TRIP12: variants seen among roughly 807,000 people sequenced by gnomAD.
The protein encoded by TRIP12 is thyroid hormone receptor interactor 12.
TRIP12 carries 25 observed loss-of-function variants against 244.2 expected under a neutral mutation model. The observed-to-expected ratio is 0.10, with a 90% CI of 0.07 to 0.14. The LOEUF is 0.14. Ranked by LOEUF, TRIP12 falls within the 10% of genes least tolerant of loss-of-function variation. The probability of loss-of-function intolerance (pLI) is 1.00; values close to 1 mark genes in which losing one functional copy is unlikely to be tolerated. For synonymous variants in TRIP12, 905 were observed against 873.1 expected, an observed-to-expected ratio of 1.04 and a Z score of -0.64; for missense variants, 1,677 against 2,486.4, an observed-to-expected ratio of 0.67 and a Z score of 6.92.
chr2:229,846,088 T>A (rs2057529025), intron 4 of TRIP12, among the ~76,000 whole-genome samples: 1 of 151,342 alleles, frequency 6.6e-6, no homozygotes, highest in South Asian at 2.1e-4. Flanking sequence ...GGAAAGATGC[T>A]GTAGACATCA....
chr2:229,880,271 G>C, intron 1 of TRIP12, 143 bp from the exon 2 acceptor site: 2 of 599,318 alleles, frequency 3.3e-6, no homozygotes, highest in Non-Finnish European at 5.8e-6. Flanking sequence ...ATGTCTCACT[G>C]AACTGTGAAG....
intron 1 of TRIP12, among the ~76,000 whole-genome samples, chr2:229,902,995 T>C (rs973071893): frequency 1.7e-5 from 1 of 59,014 alleles, no homozygotes. Flanking sequence ...TGTGTGCGGG[T>C]TTTTTTTTCT....
intron 8 of TRIP12, among the ~76,000 whole-genome samples, chr2:229,820,290 C>T (rs933216662): frequency 3.3e-5 from 5 of 151,814 alleles, no homozygotes; most frequent in African/African-American, 4.8e-5. Flanking sequence ...GGATCTTATA[C>T]AGCATAATCA....
intron 1 of TRIP12, among the ~76,000 whole-genome samples, chr2:229,889,500 C>T (rs1440242643): frequency 6.6e-6 from 1 of 152,184 alleles, no homozygotes; most frequent in African/African-American, 2.4e-5. Flanking sequence ...TTTTAGTCCA[C>T]ATGCCAAAAA....
intron 4 of TRIP12, among the ~76,000 whole-genome samples, chr2:229,853,476 A>T (rs1310741514): frequency 2.6e-5 from 4 of 152,126 alleles, no homozygotes; most frequent in African/African-American, 9.7e-5. Context: ...CCTGGCCAAC[A>T]TGGCAAAACC....
rs777119662 is a variant in TRIP12 at position 229,791,232 on chromosome 2, C to A, written c.4435G>T (p.Asp1479Tyr). ...ACACAATCTTTATTACTTTCTTCAT[C>A]CTCTCTCACAGGTTTATACCTAAAA... ...HTIWYKPVREDEESNKDCVGG... is the reference protein window; with the variant it reads ...HTIWYKPVREYEESNKDCVGG... The change falls in exon 30 of 42, where the codon GAT becomes TAT. Residue 1479 changes from aspartate to tyrosine, a missense_variant. Asp to Tyr is a radical substitution (Grantham distance 160). This residue lies in a region of TRIP12 where 265 missense variants were observed against 370.8 expected (regional missense o/e 0.71). Coordinates refer to ENST00000675903, the MANE Select transcript of TRIP12 (RefSeq NM_001348323.3). 6.2e-7 allele frequency: 1 copy of A among 1,614,062 alleles called. No individual in the cohort carries two copies. The highest frequency in any genetic ancestry group is 2.2e-5 in the East Asian group (1 of 44,872).
chr2:229,804,211 T>C lies in TRIP12; in HGVS notation c.2667A>G (p.Ser889=). 6.2e-7 allele frequency: 1 copy of C among 1,613,182 alleles called. No individual in the cohort carries two copies. The highest frequency in any genetic ancestry group is 8.5e-7 in the Non-Finnish European group (1 of 1,179,746). ...ANSNTSGYSE[S]KKDDARAQLM... ...GCTGTGCTCGAGCATCATCCTTCTT[T>C]GACTCTGAATATCCACCTATTACAT... Residue 889 remains serine, a synonymous_variant, in exon 19 of 42, where the codon TCA becomes TCG. Transcript: ENST00000675903.
intron 1 of TRIP12, among the ~76,000 whole-genome samples, chr2:229,881,077 G>A (rs138382425): frequency 3.9e-4 from 59 of 152,262 alleles, no homozygotes; most frequent in Non-Finnish European, 4.4e-5. Flanking sequence ...TCTGCTGGCC[G>A]TGACCTTGGA....
intron 19 of TRIP12, 135 bp downstream of exon 19, chr2:229,803,864 A>C: frequency 1.1e-6 from 1 of 874,546 alleles, no homozygotes; most frequent in Non-Finnish European, 1.7e-6. Context: ...TGTGAATATA[A>C]ATAGACAAAA....
chr2:229,906,653 G>A (rs1177525690), intron 1 of TRIP12, among the ~76,000 whole-genome samples: 1 of 150,222 alleles, frequency 6.7e-6, no homozygotes, highest in East Asian at 2.0e-4. Flanking sequence ...CTGGGAGGCA[G>A]AGGTTGCAGT....
chr2:229,774,039 T>C, intron 38 of TRIP12, 58 bp downstream of exon 38: 1 of 1,561,972 alleles, frequency 6.4e-7, no homozygotes, highest in Admixed American at 1.8e-5. Flanking sequence ...CAAGGTACAA[T>C]CAGGCAAAGT....
chr2:229,780,953 C>A (rs1380890805), intron 34 of TRIP12, among the ~76,000 whole-genome samples: 1 of 152,228 alleles, frequency 6.6e-6, no homozygotes, highest in East Asian at 1.9e-4. Context: ...ATGGTATCCA[C>A]TAGATGGTGC....
Position 229,836,994 on chromosome 2 carries a change from A to C in TRIP12, c.1134-10T>G. On this transcript the variant is annotated splice_polypyrimidine_tract_variant and intron_variant, in intron 5 of 41. Coordinates refer to ENST00000675903, the MANE Select transcript of TRIP12 (RefSeq NM_001348323.3). Reference sequence around the variant, plus strand: ...GCCAGAGCCTCGCCGACTACAACAGAAAAATGTCATCATGGGCAGCATTAC... The same window carrying C: ...GCCAGAGCCTCGCCGACTACAACAGCAAAATGTCATCATGGGCAGCATTAC... 6 of 1,528,108 alleles carry C rather than the reference A, an allele frequency of 3.9e-6. No individual in the cohort carries two copies. Among genetic ancestry groups the C allele is most frequent in the Non-Finnish European group, 5.3e-6 (6 of 1,142,496 alleles). 94.7% of individuals were successfully genotyped at this position (1,528,108 alleles called of 1,614,324 possible). A position where few individuals can be genotyped will look rare whatever the true frequency, so the allele number is the denominator to read the frequency against.
intron 6 of TRIP12, among the ~76,000 whole-genome samples, chr2:229,836,236 C>T (rs1051871123): frequency 6.6e-6 from 1 of 152,194 alleles, no homozygotes; most frequent in African/African-American, 2.4e-5. Context: ...TTGATTTTAA[C>T]ATTTTTTTAT....
At chr2:229,915,009 T>C (rs2075101009) in intron 1 of TRIP12, among the ~76,000 whole-genome samples, 1 of 152,190 alleles carries the variant, frequency 6.6e-6, no homozygotes, top group South Asian at 2.1e-4. Flanking sequence ...TACCAGCACT[T>C]TGGGAGACCA....
At position 229,798,936 on chromosome 2, in the gene TRIP12, G is replaced by A. The variant is rs138563340; in HGVS notation, c.3421C>T (p.Arg1141Trp). The A allele has an allele frequency of 5.6e-6, 9 of 1,614,060 alleles. No individual in the cohort carries two copies. Among genetic ancestry groups the A allele is most frequent in the East Asian group, 2.2e-5 (1 of 44,896 alleles). ...QSNSNNIEPA[R>W]TAGGSGLARA... The stretch of plus-strand genomic sequence containing the variant: ...GCAAGGCCACTACCTCCCGCAGTCC[G>A]TGCTGGCTCAATGTTGTTGCTGTTG... Residue 1141 changes from arginine (R) to tryptophan (W), a missense_variant, in exon 23 of 42, where the codon CGG (arginine) becomes TGG (tryptophan). Transcript: ENST00000675903.
intron 6 of TRIP12, 74 bp downstream of exon 6, chr2:229,836,774 A>T: frequency 2.7e-6 from 4 of 1,487,790 alleles, no homozygotes; most frequent in South Asian, 1.3e-5. Flanking sequence ...AACACCTAGC[A>T]TACTTCCCTC....
Position 229,888,680 on chromosome 2 carries a change from G to A in TRIP12, c.-49-8552C>T, listed in dbSNP as rs780628993. On this transcript the variant is annotated intron_variant, in intron 1 of 41. Transcript: ENST00000675903. ...TTAGCGAGGGCGTGGTAGCGCGCCT[G>A]TAGTCCCAGCTGCTCAGGAGGCTGA... Among the ~76,000 whole-genome samples, 4 of 152,206 alleles carry A rather than the reference G, an allele frequency of 2.6e-5. No homozygotes were observed. The East Asian group carries it at 5.8e-4, about 22-fold the overall frequency.
At chr2:229,862,309 G>C (rs527760528) in intron 2 of TRIP12, among the ~76,000 whole-genome samples, 3 of 152,226 alleles carry the variant, frequency 2.0e-5, no homozygotes, top group Non-Finnish European at 2.9e-5. Context: ...TCTACTAACA[G>C]ATCTCAGAGT....
Sources: allele counts gnomAD v4.1 joint callset (sites outside exome capture counted in the v4.1 genomes callset), GRCh38; gene constraint gnomAD v4.1.1; regional missense constraint gnomAD v4.1.1; transcripts MANE v1.5; gene names NCBI Gene and HGNC (gene_info 2026-07-23, HGNC 2026-07-21).